The following SLC45A4 variants were observed in gnomAD, a reference collection of about 807,000 sequenced individuals.
SLC45A4 encodes the protein polyamine-transporter SLC45A4.
A neutral mutation model predicts 63.7 loss-of-function variants in SLC45A4; 32 were observed. That is an observed-to-expected ratio of 0.50 (90% CI 0.38 to 0.67). The LOEUF is 0.67. Among genes scored for constraint, SLC45A4 ranks in the 30% least tolerant of loss-of-function variants. SLC45A4 has a pLI of 0.00. For synonymous variants in SLC45A4, 535 were observed against 510.0 expected (o/e 1.05, Z -0.66); for missense variants, 1,027 against 1,157.7 (o/e 0.89, Z 1.64).
intron 1 of SLC45A4, among the ~76,000 whole-genome samples, chr8:141,279,057 C>T (rs1159711009): frequency 6.6e-6 from 1 of 152,278 alleles, no homozygotes; most frequent in Non-Finnish European, 1.5e-5. Context: ...CTCCAGCCTT[C>T]ACCCCAAGAC....
At chr8:141,245,646 G>A (rs1226293023) in intron 2 of SLC45A4, among the ~76,000 whole-genome samples, 4 of 152,172 alleles carry the variant, frequency 2.6e-5, no homozygotes, top group Admixed American at 6.5e-5. Flanking sequence ...GCCGCTCAGA[G>A]GAGGCTGGAC....
At chr8:141,243,382 C>G (rs11775949) in intron 2 of SLC45A4, among the ~76,000 whole-genome samples, 113,213 of 152,180 alleles carry the variant, frequency 0.74, 42,263 homozygotes, top group South Asian at 0.87. Flanking sequence ...ACTAGAAAGG[C>G]TTTTTAAGAA....
intron 1 of SLC45A4, among the ~76,000 whole-genome samples, chr8:141,275,534 G>A (rs1324658996): frequency 6.6e-6 from 1 of 151,846 alleles, no homozygotes; most frequent in Non-Finnish European, 1.5e-5. Flanking sequence ...GGAATTCGGG[G>A]CTGCAGTGAA....
intron 1 of SLC45A4, among the ~76,000 whole-genome samples, chr8:141,268,209 C>T (rs1299280443): frequency 3.3e-5 from 5 of 152,222 alleles, no homozygotes; most frequent in Non-Finnish European, 5.9e-5. Flanking sequence ...AGAAGCTACT[C>T]TGAAACGGCT....
intron 7 of SLC45A4, among the ~76,000 whole-genome samples, chr8:141,214,214 C>T (rs904406210): frequency 2.0e-5 from 3 of 147,692 alleles, no homozygotes; most frequent in African/African-American, 7.5e-5. Context: ...AAAAAAGCAT[C>T]ATACTTCCTA....
At position 141,219,839 on chromosome 8, in the gene SLC45A4, G is replaced by C. The variant is rs757404968; in HGVS notation, c.431-10C>G. On this transcript the variant is annotated splice_polypyrimidine_tract_variant and intron_variant, in intron 3 of 8. Coordinates refer to ENST00000517878, the MANE Select transcript of SLC45A4 (RefSeq NM_001286646.2). ...TCGCCGAGGGCCAGACCTGCGCAGAGCACACGGGAGGGCGGTCAGGTCCTC... is the reference window on the plus strand; with the variant it reads ...TCGCCGAGGGCCAGACCTGCGCAGACCACACGGGAGGGCGGTCAGGTCCTC... 19 of 1,562,064 alleles carry C rather than the reference G, an allele frequency of 1.2e-5. No individual in the cohort carries two copies. Among genetic ancestry groups the C allele is most frequent in the Non-Finnish European group, 1.6e-5 (18 of 1,154,228 alleles).
At chr8:141,300,474 T>C (rs1376573769) in intron 1 of SLC45A4, among the ~76,000 whole-genome samples, 2 of 152,268 alleles carry the variant, frequency 1.3e-5, no homozygotes, top group Non-Finnish European at 2.9e-5. Context: ...TTCTCAGGGA[T>C]GCCAAGTGTC....
At chr8:141,266,699 A>G (rs1457289588) in intron 1 of SLC45A4, among the ~76,000 whole-genome samples, 2 of 152,212 alleles carry the variant, frequency 1.3e-5, no homozygotes, top group Admixed American at 1.3e-4. Flanking sequence ...ATATACAAAG[A>G]GTCCTTAAAA....
In SLC45A4 at chr8:141,218,387, G is replaced by C; in HGVS notation, c.1253C>G (p.Ala418Gly). Reference protein sequence around the residue: ...TSSSMRRRRHAFRRQASSTFS... With the variant: ...TSSSMRRRRHGFRRQASSTFS... ...GGTGCTGGAGGCCTGCCTGCGGAAC[G>C]CGTGCCGCCGCCGCCGCATGGAGCT... The change falls in exon 5 of 9, where the codon GCG becomes GGG. Residue 418 changes from alanine (A) to glycine (G), a missense_variant. Ala to Gly is a moderately conservative substitution (Grantham distance 60). Coordinates refer to ENST00000517878, the MANE Select transcript of SLC45A4 (RefSeq NM_001286646.2). 6.2e-7 allele frequency: 1 copy of C among 1,608,394 alleles called. No homozygotes were observed. The highest frequency in any genetic ancestry group is 8.5e-7 in the Non-Finnish European group (1 of 1,179,632).
At chr8:141,233,586 C>T (rs1443379700) in intron 2 of SLC45A4, among the ~76,000 whole-genome samples, 1 of 152,170 alleles carries the variant, frequency 6.6e-6, no homozygotes, top group African/African-American at 2.4e-5. Context: ...ACTTGGGAGG[C>T]TGAGGCACAA....
At chr8:141,247,456 T>C (rs1001097242) in intron 2 of SLC45A4, among the ~76,000 whole-genome samples, 4 of 152,226 alleles carry the variant, frequency 2.6e-5, no homozygotes, top group African/African-American at 9.6e-5. Context: ...GACTCGAAAT[T>C]AAGATGTCAA....
At chr8:141,216,020 T>C in intron 6 of SLC45A4, 50 bp from the exon 7 acceptor site, 1 of 1,536,850 alleles carries the variant, frequency 6.5e-7, no homozygotes, top group Non-Finnish European at 8.9e-7. Context: ...GGCTGGCTCC[T>C]GTCGGGCTCC....
intron 1 of SLC45A4, among the ~76,000 whole-genome samples, chr8:141,270,185 C>A (rs77018083): frequency 3.9e-4 from 60 of 151,934 alleles, no homozygotes; most frequent in African/African-American, 1.5e-3. Context: ...AGAAACGAAT[C>A]CCTAAGTGCT....
chr8:141,241,530 T>G (rs1298599142), intron 2 of SLC45A4, among the ~76,000 whole-genome samples: 1 of 152,098 alleles, frequency 6.6e-6, no homozygotes, highest in East Asian at 1.9e-4. Context: ...GAATTCATAT[T>G]TTAAAAACAG....
chr8:141,218,862 G>T lies in SLC45A4; in HGVS notation c.778C>A (p.Pro260Thr). 1 of 1,613,492 alleles carries T rather than the reference G, an allele frequency of 6.2e-7. No individual in the cohort carries two copies. The highest frequency in any genetic ancestry group is 8.5e-7 in the Non-Finnish European group (1 of 1,179,928). The change falls in exon 5 of 9, where the codon CCG (proline) becomes ACG (threonine). Residue 260 changes from proline (P) to threonine (T), a missense_variant. Physicochemically the swap from Pro to Thr is conservative, Grantham distance 38. Coordinates refer to ENST00000517878, the MANE Select transcript of SLC45A4 (RefSeq NM_001286646.2). ...LFSIDEEQYS[P>T]QQERSAEEPG... ...TCCTCAGCGCTGCGCTCCTGCTGCG[G>T]GCTGTACTGCTCCTCGTCGATGCTG...
intron 2 of SLC45A4, among the ~76,000 whole-genome samples, chr8:141,243,847 T>C (rs1470157382): frequency 1.3e-5 from 2 of 152,218 alleles, no homozygotes; most frequent in Non-Finnish European, 2.9e-5. Flanking sequence ...ATTTCTCTTC[T>C]TAATAATTTT....
intron 2 of SLC45A4, 134 bp downstream of exon 2, chr8:141,253,855 G>C: frequency 1.9e-5 from 26 of 1,374,288 alleles, no homozygotes; most frequent in Non-Finnish European, 2.4e-5. Context: ...AGGCTGAAGG[G>C]AGAGGAGACA....
intron 2 of SLC45A4, among the ~76,000 whole-genome samples, 165 bp from the exon 3 acceptor site, chr8:141,221,930 C>T (rs1180305832): frequency 1.3e-5 from 2 of 152,268 alleles, no homozygotes; most frequent in East Asian, 3.8e-4. Context: ...TTCTGCAAGG[C>T]CAGATGACCT....
intron 1 of SLC45A4, among the ~76,000 whole-genome samples, chr8:141,276,368 G>A (rs947687527): frequency 2.0e-5 from 3 of 152,140 alleles, no homozygotes; most frequent in Non-Finnish European, 4.4e-5. Context: ...ACAGAGGTTT[G>A]CGATGCGAGC....
Sources: gnomAD v4.1 joint callset for allele counts (sites outside exome capture counted in the v4.1 genomes callset) on GRCh38, gnomAD v4.1.1 for gene constraint, MANE v1.5 for transcripts, NCBI Gene and HGNC (gene_info 2026-07-23, HGNC 2026-07-21) for gene names.